PAX5: variants seen among roughly 807,000 people sequenced by gnomAD.
The protein encoded by PAX5 is paired box protein Pax-5.
PAX5 carries 9 observed loss-of-function variants against 43.7 expected under a neutral mutation model. That is an observed-to-expected ratio of 0.21 (90% confidence interval 0.12 to 0.36). The LOEUF (loss-of-function observed/expected upper bound fraction) is 0.36, where lower values mean the gene tolerates loss of function less well. Among genes scored for constraint, PAX5 ranks in the 10% least tolerant of loss-of-function variants. PAX5 has a pLI of 1.00. For missense variants in PAX5, 383 were observed against 532.7 expected, an observed-to-expected ratio of 0.72 and a Z score of 2.77; for synonymous variants, 228 against 214.3, an observed-to-expected ratio of 1.06 and a Z score of -0.56.
chr9:36,972,110 G>T (rs1046734766), intron 5 of PAX5, among the ~76,000 whole-genome samples: 2 of 152,338 alleles, frequency 1.3e-5, no homozygotes, highest in Admixed American at 6.5e-5. Flanking sequence ...TGGCTTTTGG[G>T]ATGTAACCCC....
intron 7 of PAX5, among the ~76,000 whole-genome samples, chr9:36,911,394 C>T (rs1829277010): frequency 6.6e-6 from 1 of 151,880 alleles, no homozygotes; most frequent in Non-Finnish European, 1.5e-5. Context: ...CTCCTGGGCT[C>T]AAGTGGTCCT....
At chr9:37,023,242 A>C (rs953081200) in intron 1 of PAX5, among the ~76,000 whole-genome samples, 1 of 152,174 alleles carries the variant, frequency 6.6e-6, no homozygotes, top group Non-Finnish European at 1.5e-5. Context: ...GGTGGCACAC[A>C]ACGGGAGGCA....
intron 1 of PAX5, among the ~76,000 whole-genome samples, chr9:37,026,249 C>T (rs1156900832): frequency 6.6e-6 from 1 of 152,264 alleles, no homozygotes; most frequent in Non-Finnish European, 1.5e-5. Context: ...GGGTCCAAGC[C>T]AGGGTTCTCC....
intron 6 of PAX5, among the ~76,000 whole-genome samples, chr9:36,942,462 A>C (rs1832128650): frequency 1.3e-5 from 2 of 152,126 alleles, no homozygotes; most frequent in African/African-American, 4.8e-5. Context: ...AAACAAGGCC[A>C]CAGATGTGAA....
intron 8 of PAX5, among the ~76,000 whole-genome samples, chr9:36,866,236 G>A (rs560901275): frequency 1.3e-5 from 2 of 152,370 alleles, no homozygotes; most frequent in East Asian, 3.9e-4. Context: ...CAGAACCTCA[G>A]TTGGGGTCGT....
At chr9:36,932,703 A>T (rs1438677065) in intron 6 of PAX5, among the ~76,000 whole-genome samples, 1 of 152,202 alleles carries the variant, frequency 6.6e-6, no homozygotes, top group Non-Finnish European at 1.5e-5. Context: ...ACTTACAATG[A>T]GTGAATTTTA....
rs1228759590 is a variant in PAX5, at chr9:36,833,757, A to G, written c.*6803T>C. The stretch of plus-strand genomic sequence containing the variant: ...ACTAGAAAAAAAGAATACAAAACAT[A>G]CACATTTTTTAAGAAGCATTTTTTT... On this transcript the variant is annotated 3_prime_UTR_variant, in exon 10 of 10. Coordinates refer to ENST00000358127, the MANE Select transcript of PAX5 (RefSeq NM_016734.3). 1 of 232,928 alleles carries G rather than the reference A, an allele frequency of 4.3e-6. No homozygotes were observed. Among genetic ancestry groups the G allele is most frequent in the African/African-American group, 2.2e-5 (1 of 45,268 alleles). The allele number at this position is 232,928 out of a possible 1,614,324, so 14.4% of individuals were successfully genotyped here. A position where few individuals can be genotyped will look rare whatever the true frequency, so the allele number is the denominator to read the frequency against.
intron 5 of PAX5, among the ~76,000 whole-genome samples, chr9:37,002,272 G>T (rs918213125): frequency 3.9e-5 from 6 of 152,128 alleles, no homozygotes; most frequent in African/African-American, 7.2e-5. Context: ...CTGGTCCAAA[G>T]CTCCTCCACA....
Position 36,835,460 on chromosome 9 carries a change from C to G in PAX5, c.*5100G>C. 1 of 232,670 alleles carries G rather than the reference C, an allele frequency of 4.3e-6. No homozygotes were observed. Among genetic ancestry groups the G allele is most frequent in the Non-Finnish European group, 8.5e-6 (1 of 117,674 alleles). The allele number at this position is 232,670 out of a possible 1,614,324, so 14.4% of individuals were successfully genotyped here. A position where few individuals can be genotyped will look rare whatever the true frequency, so the allele number is the denominator to read the frequency against. On this transcript the variant is annotated 3_prime_UTR_variant, in exon 10 of 10. Transcript: ENST00000358127. ...GAGGCCCTTGGGACCTGGCGCCACA[C>G]GAGGTGCAGCCGAGCTGACAGTGGG... is the stretch of plus-strand genomic sequence containing the variant.
intron 6 of PAX5, among the ~76,000 whole-genome samples, chr9:36,948,798 T>G (rs990741200): frequency 7.3e-5 from 11 of 151,532 alleles, no homozygotes; most frequent in Non-Finnish European, 8.8e-5. Context: ...TTTGTCTCCC[T>G]GCGCAAACTC....
chr9:36,858,025 G>T (rs1481392261), intron 8 of PAX5, among the ~76,000 whole-genome samples: 3 of 152,264 alleles, frequency 2.0e-5, no homozygotes, highest in African/African-American at 7.2e-5. Flanking sequence ...GTCAGTCCTG[G>T]CCAAAGCCCA....
intron 5 of PAX5, among the ~76,000 whole-genome samples, chr9:37,002,312 C>G (rs1295285490): frequency 1.3e-5 from 2 of 152,188 alleles, no homozygotes; most frequent in Non-Finnish European, 2.9e-5. Context: ...GCCCAGCACA[C>G]CCTGCCCTCG....
intron 5 of PAX5, among the ~76,000 whole-genome samples, chr9:36,991,603 C>G (rs1478136347): frequency 6.6e-6 from 1 of 152,224 alleles, no homozygotes; most frequent in Non-Finnish European, 1.5e-5. Context: ...AGAAGTGAGA[C>G]TTCAGCTAAT....
At position 36,966,668 on chromosome 9, in the gene PAX5, G is replaced by A. The variant is rs2132194720; in HGVS notation, c.661C>T (p.Arg221Trp). The A allele has an allele frequency of 3.7e-6, 6 of 1,614,220 alleles. No individual in the cohort carries two copies. Among genetic ancestry groups the A allele is most frequent in the Non-Finnish European group, 4.2e-6 (5 of 1,180,036 alleles). The change falls in exon 6 of 10, where the codon CGG becomes TGG. Residue 221 changes from arginine to tryptophan, a missense_variant. Coordinates refer to ENST00000358127, the MANE Select transcript of PAX5 (RefSeq NM_016734.3). ...GHSLPGRDFL[R>W]KQMRGDLFTQ... is the part of the protein sequence containing the mutation. ...AACAAGTCTCCCCGCATCTGCTTCC[G>A]GAGGAAGTCTCTGCCCGGAAGCGAG...
Position 36,885,967 on chromosome 9 carries a change from G to A in PAX5, c.911-3862C>T, listed in dbSNP as rs562589617. On this transcript the variant is annotated intron_variant, in intron 7 of 9. Coordinates refer to ENST00000358127, the MANE Select transcript of PAX5 (RefSeq NM_016734.3). ...CTGACCCTTAAATTTAGGTTCAGCC[G>A]TGTGCCTTGCTCTGGCCAATGGGAT... Among the ~76,000 whole-genome samples the A allele has an allele frequency of 1.3e-4, 20 of 152,248 alleles. No individual in the cohort carries two copies. The South Asian group carries it at 2.1e-3, about 16-fold the overall frequency.
intron 6 of PAX5, among the ~76,000 whole-genome samples, chr9:36,943,956 C>A (rs1832279336): frequency 6.6e-6 from 1 of 152,062 alleles, no homozygotes; most frequent in Non-Finnish European, 1.5e-5. Flanking sequence ...GAGGCTGAGG[C>A]AGGAGGATCA....
At position 37,020,677 on chromosome 9, in the gene PAX5, C is replaced by T; in HGVS notation, c.171G>A (p.Gln57=). 1 of 1,614,218 alleles carries T rather than the reference C, an allele frequency of 6.2e-7. No homozygotes were observed. Among genetic ancestry groups the T allele is most frequent in the Non-Finnish European group, 8.5e-7 (1 of 1,180,030 alleles). Residue 57 remains glutamine (Q), a synonymous_variant, in exon 2 of 10, where the codon CAG becomes CAA. Coordinates refer to ENST00000358127, the MANE Select transcript of PAX5 (RefSeq NM_016734.3). ...QGVRPCDISR[Q]LRVSHGCVSK... is the part of the protein sequence containing the mutation. ...TGACACAACCATGGCTGACCCGAAG[C>T]TGCCTGGAGATGTCGCAGGGCCTGA... is the stretch of plus-strand genomic sequence containing the variant.
At position 37,006,508 on chromosome 9, in the gene PAX5, G is replaced by A. The variant is rs750136610; in HGVS notation, c.440C>T (p.Pro147Leu). The A allele has an allele frequency of 2.5e-6, 4 of 1,614,054 alleles. No homozygotes were observed. Among genetic ancestry groups the A allele is most frequent in the Admixed American group, 3.3e-5 (2 of 60,006 alleles). ...ACTGGAAGCTGGGACTGGTTGGTTG[G>A]GTGGCTGCTGTACTTTTGTCCGGAT... Reference protein sequence around the residue: ...RIIRTKVQQPPNQPVPASSHS... With the variant: ...RIIRTKVQQPLNQPVPASSHS... The change falls in exon 4 of 10, where the codon CCC becomes CTC. Residue 147 changes from proline (P) to leucine (L), a missense_variant. Around this residue, in one of 5 missense-constraint regions of PAX5, gnomAD observed 291 missense variants for 342.5 expected, o/e 0.85. Coordinates refer to ENST00000358127, the MANE Select transcript of PAX5 (RefSeq NM_016734.3).
intron 7 of PAX5, among the ~76,000 whole-genome samples, chr9:36,898,521 C>A (rs1828072540): frequency 6.6e-6 from 1 of 152,204 alleles, no homozygotes; most frequent in Non-Finnish European, 1.5e-5. Flanking sequence ...GCCATCCCCA[C>A]CAAATTGAAG....
Sources: allele counts gnomAD v4.1 joint callset (sites outside exome capture counted in the v4.1 genomes callset), GRCh38; gene constraint gnomAD v4.1.1; regional missense constraint gnomAD v4.1.1; transcripts MANE v1.5; gene names NCBI Gene and HGNC (gene_info 2026-07-23, HGNC 2026-07-21).